Variants in SORCS3 observed in about 807,000 individuals in gnomAD.
The protein encoded by SORCS3 is VPS10 domain-containing receptor SorCS3.
SORCS3 carries 57 observed loss-of-function variants against 146.3 expected under a neutral mutation model. The ratio of observed to expected loss-of-function variants is 0.39; its 90% CI spans 0.31 to 0.49. The LOEUF (loss-of-function observed/expected upper bound fraction) is 0.49, where lower values mean the gene tolerates loss of function less well. Among genes scored for constraint, SORCS3 ranks in the 20% least tolerant of loss-of-function variants. The probability of loss-of-function intolerance (pLI) is 0.92; values close to 1 mark genes in which losing one functional copy is unlikely to be tolerated. For missense variants in SORCS3, 1,341 were observed against 1,575.5 expected, an observed-to-expected ratio of 0.85 and a Z score of 2.52; for synonymous variants, 653 against 618.5, an observed-to-expected ratio of 1.06 and a Z score of -0.83.
chr10:104,737,424 A>G (rs2016787376), intron 1 of SORCS3, among the ~76,000 whole-genome samples: 1 of 152,116 alleles, frequency 6.6e-6, no homozygotes, highest in Non-Finnish European at 1.5e-5. Flanking sequence ...ATTTCTCCAC[A>G]TCCTCTCCAG....
intron 13 of SORCS3, among the ~76,000 whole-genome samples, chr10:105,175,149 G>A (rs1020837313): frequency 1.3e-5 from 2 of 152,160 alleles, no homozygotes; most frequent in Admixed American, 1.3e-4. Context: ...CCAGATTCAA[G>A]CGATTCTCCT....
chr10:104,645,002 C>T (rs2015473995), intron 1 of SORCS3, among the ~76,000 whole-genome samples: 1 of 152,158 alleles, frequency 6.6e-6, no homozygotes, highest in Admixed American at 6.5e-5. Context: ...TTGACCAAGG[C>T]TTGGGCTGGG....
At chr10:105,092,982 G>A (rs2055720763) in intron 6 of SORCS3, among the ~76,000 whole-genome samples, 1 of 152,088 alleles carries the variant, frequency 6.6e-6, no homozygotes, top group Non-Finnish European at 1.5e-5. Flanking sequence ...GTGCAATAAA[G>A]CAAGAAAAAT....
intron 20 of SORCS3, among the ~76,000 whole-genome samples, chr10:105,231,139 G>A (rs1218079804): frequency 2.0e-5 from 3 of 152,150 alleles, no homozygotes; most frequent in Admixed American, 6.5e-5. Flanking sequence ...ACTGCTTTAT[G>A]TGCTTCCTGT....
At chr10:104,970,133 T>C (rs1032853630) in intron 3 of SORCS3, among the ~76,000 whole-genome samples, 2 of 152,114 alleles carry the variant, frequency 1.3e-5, no homozygotes, top group African/African-American at 4.8e-5. Context: ...AGGCTGGTTA[T>C]GAAAGCTTTT....
At chr10:105,061,439 C>A (rs1193237998) in intron 5 of SORCS3, among the ~76,000 whole-genome samples, 1 of 151,640 alleles carries the variant, frequency 6.6e-6, no homozygotes, top group East Asian at 1.9e-4. Context: ...AGACTACAGG[C>A]GCCTGCCACC....
chr10:105,002,161 G>C (rs958053755), intron 4 of SORCS3, among the ~76,000 whole-genome samples: 8 of 152,094 alleles, frequency 5.3e-5, no homozygotes, highest in African/African-American at 1.4e-4. Context: ...CTCTGATTTT[G>C]GCCCACTGGT....
At chr10:105,089,743 A>T in intron 5 of SORCS3, 32 bp from the exon 6 acceptor site, 2 of 1,598,994 alleles carry the variant, frequency 1.3e-6, no homozygotes, top group South Asian at 1.1e-5. Context: ...CGGTGTTGTC[A>T]CTGAGCTTCT....
chr10:105,131,747 G>A (rs2056020678), intron 7 of SORCS3, among the ~76,000 whole-genome samples: 1 of 152,104 alleles, frequency 6.6e-6, no homozygotes, highest in Non-Finnish European at 1.5e-5. Flanking sequence ...GGTAAAGGAG[G>A]AGCAGACACA....
chr10:104,879,874 A>C (rs534872132), intron 2 of SORCS3, among the ~76,000 whole-genome samples: 1 of 152,296 alleles, frequency 6.6e-6, no homozygotes, highest in African/African-American at 2.4e-5. Flanking sequence ...CCCTGGGTAG[A>C]ATCAATGGGT....
intron 5 of SORCS3, 124 bp from the exon 6 acceptor site, chr10:105,089,651 T>A (rs2055687706): frequency 1.4e-6 from 1 of 728,576 alleles, no homozygotes; most frequent in Non-Finnish European, 2.4e-6. Context: ...CTGGTTCCCA[T>A]ACTGCAGGAT....
intron 3 of SORCS3, among the ~76,000 whole-genome samples, chr10:104,971,779 A>G (rs942808540): frequency 2.0e-5 from 3 of 152,206 alleles, no homozygotes; most frequent in Admixed American, 1.3e-4. Flanking sequence ...GTCACAGTTA[A>G]GGGATAATAA....
chr10:104,730,245 G>A (rs2016690543), intron 1 of SORCS3, among the ~76,000 whole-genome samples: 1 of 152,194 alleles, frequency 6.6e-6, no homozygotes, highest in Non-Finnish European at 1.5e-5. Flanking sequence ...GTCCAATGAA[G>A]TATATACTGT....
At chr10:104,802,532 T>G (rs772465915) in intron 1 of SORCS3, among the ~76,000 whole-genome samples, 16 of 152,162 alleles carry the variant, frequency 1.1e-4, no homozygotes, top group Admixed American at 4.6e-4. Flanking sequence ...GTGGGGAGTG[T>G]GTAGGACCAT....
chr10:105,110,540 C>A (rs2055852745), intron 7 of SORCS3, among the ~76,000 whole-genome samples: 1 of 152,032 alleles, frequency 6.6e-6, no homozygotes, highest in Non-Finnish European at 1.5e-5. Context: ...ATTTTAGCAA[C>A]AGATTAGGGC....
chr10:104,859,284 C>T (rs1253293278), intron 2 of SORCS3, among the ~76,000 whole-genome samples: 1 of 152,086 alleles, frequency 6.6e-6, no homozygotes, highest in East Asian at 1.9e-4. Context: ...ACTATCTGAT[C>T]TTTGACAAAC....
At chr10:104,840,400 G>A (rs1024820629) in intron 1 of SORCS3, among the ~76,000 whole-genome samples, 4 of 152,148 alleles carry the variant, frequency 2.6e-5, no homozygotes, top group Non-Finnish European at 5.9e-5. Context: ...TCTAGTTTCT[G>A]TTTTTGGTGC....
At chr10:104,703,609 G>T (rs1188851435) in intron 1 of SORCS3, among the ~76,000 whole-genome samples, 1 of 151,824 alleles carries the variant, frequency 6.6e-6, no homozygotes, top group Non-Finnish European at 1.5e-5. Flanking sequence ...GAGGGTGGGG[G>T]GTGAGGGGAG....
At chr10:105,143,622 G>C (rs10884106) in intron 8 of SORCS3, among the ~76,000 whole-genome samples, 16,681 of 152,166 alleles carry the variant, frequency 0.11, 1,063 homozygotes, top group Admixed American at 0.17. Flanking sequence ...GTGAGTATTA[G>C]AGATAAAGTG....
Sources: gnomAD v4.1 joint callset for allele counts (sites outside exome capture counted in the v4.1 genomes callset) on GRCh38, gnomAD v4.1.1 for gene constraint, MANE v1.5 for transcripts, NCBI Gene and HGNC (gene_info 2026-07-23, HGNC 2026-07-21) for gene names.